The following CTBP2 variants were observed in gnomAD, a reference collection of about 807,000 sequenced individuals.
CTBP2 encodes C-terminal binding protein 2.
Under a neutral mutation model 80.3 loss-of-function variants are expected in CTBP2, and 30 were observed. The observed-to-expected ratio is 0.37, with a 90% CI of 0.28 to 0.51. The LOEUF (loss-of-function observed/expected upper bound fraction) is 0.51, where lower values mean the gene tolerates loss of function less well. Ranked by LOEUF, CTBP2 falls within the 20% of genes least tolerant of loss-of-function variation. The pLI is 0.93. For synonymous variants in CTBP2, 594 were observed against 587.4 expected (o/e 1.01, Z -0.16); for missense variants, 1,212 against 1,375.3 (o/e 0.88, Z 1.88).
intron 3 of CTBP2, among the ~76,000 whole-genome samples, chr10:125,036,102 AG>A (rs1270365614): frequency 6.6e-6 from 1 of 152,232 alleles, no homozygotes; most frequent in Non-Finnish European, 1.5e-5. Context: ...CTGCTCTCCG[AG>A]TAGAGACACA....
chr10:125,148,210 C>G (rs895492829), intron 1 of CTBP2, among the ~76,000 whole-genome samples: 4 of 152,296 alleles, frequency 2.6e-5, no homozygotes, highest in African/African-American at 9.6e-5. Context: ...TGGGACCTCT[C>G]TGGTCACCAG....
At chr10:125,119,371 C>T (rs1471327577) in intron 1 of CTBP2, among the ~76,000 whole-genome samples, 2 of 152,180 alleles carry the variant, frequency 1.3e-5, no homozygotes, top group Non-Finnish European at 2.9e-5. Flanking sequence ...TTCCATGCCC[C>T]ACTCCACTCT....
chr10:125,050,614 AGGGT>A (rs984058212), intron 2 of CTBP2, among the ~76,000 whole-genome samples: 5 of 152,126 alleles, frequency 3.3e-5, no homozygotes, highest in African/African-American at 1.2e-4. Context: ...GGGAAAAGGA[AGGGT>A]GGGGGTGCGG....
chr10:124,984,682 T>C lies in CTBP2; in HGVS notation c.*4836A>G. On this transcript the variant is annotated 3_prime_UTR_variant, in exon 9 of 9. Coordinates refer to ENST00000309035, the MANE Select transcript of CTBP2 (RefSeq NM_022802.3). ...TGATTGCTTTGGCCTTTTCATGAGT[T>C]AGCATACCAGCTGTAGGTTTCCATG... 1.5e-6 allele frequency: 2 copies of C among 1,321,220 alleles called. No homozygotes were observed. The highest frequency in any genetic ancestry group is 2.1e-6 in the Non-Finnish European group (2 of 956,376). 81.8% of individuals were successfully genotyped at this position (1,321,220 alleles called of 1,614,324 possible).
intron 2 of CTBP2, among the ~76,000 whole-genome samples, chr10:125,051,943 A>G (rs1209539090): frequency 1.3e-5 from 2 of 152,224 alleles, no homozygotes; most frequent in Non-Finnish European, 2.9e-5. Context: ...AAAGCTACGG[A>G]GACAGGGCTT....
chr10:125,015,200 C>T (rs946450833), intron 1 of CTBP2, among the ~76,000 whole-genome samples: 1 of 152,204 alleles, frequency 6.6e-6, no homozygotes, highest in Non-Finnish European at 1.5e-5. Context: ...AGCGGATTCA[C>T]GCTGCTGGAC....
chr10:125,143,187 A>G (rs538135696), intron 1 of CTBP2, among the ~76,000 whole-genome samples: 1 of 152,182 alleles, frequency 6.6e-6, no homozygotes. Flanking sequence ...TGTTCAGAAG[A>G]AGCAAATTCG....
chr10:125,014,693 C>CA (rs1478409710), intron 1 of CTBP2, among the ~76,000 whole-genome samples: 2 of 152,202 alleles, frequency 1.3e-5, no homozygotes, highest in Non-Finnish European at 2.9e-5. Flanking sequence ...ACCAGCCCTC[C>CA]AGAAAGCACT....
At chr10:125,026,035 T>G (rs766516937) in intron 1 of CTBP2, 3 of 1,528,996 alleles carry the variant, frequency 2.0e-6, no homozygotes, top group Non-Finnish European at 2.6e-6. Context: ...CGCACCCCCC[T>G]GCTCCCCCCA....
chr10:125,115,034 A>C (rs1163925534), intron 1 of CTBP2, among the ~76,000 whole-genome samples: 6 of 151,710 alleles, frequency 4.0e-5, no homozygotes, highest in African/African-American at 7.3e-5. Context: ...TCCTCCTCCT[A>C]CTACTGTCCC....
rs750432044 is a variant in CTBP2, at chr10:125,027,200, C to A, written c.560G>T (p.Gly187Val). 11 of 1,609,724 alleles carry A rather than the reference C, an allele frequency of 6.8e-6. No homozygotes were observed. The South Asian group carries it at 1.1e-4, about 16-fold the overall frequency. The change falls in exon 1 of 9, where the codon GGG becomes GTG. Residue 187 changes from glycine to valine, a missense_variant. Coordinates refer to ENST00000309035, the MANE Select transcript of CTBP2 (RefSeq NM_022802.3). ...GTCGGGCTGCTCCCGTCCATACCGC[C>A]CGGGAGATGCAGCCCTGCTCTGTGT...
At chr10:125,143,072 T>C (rs1390815048) in intron 1 of CTBP2, among the ~76,000 whole-genome samples, 1 of 152,166 alleles carries the variant, frequency 6.6e-6, no homozygotes, top group African/African-American at 2.4e-5. Context: ...CACCACTGTT[T>C]TGCTGAACTC....
intron 6 of CTBP2, 119 bp from the exon 9 acceptor site, chr10:124,993,448 AG>A: frequency 1.8e-6 from 2 of 1,124,608 alleles, no homozygotes; most frequent in Non-Finnish European, 2.5e-6. Flanking sequence ...GCATGGATAC[AG>A]GAACATCTGT....
chr10:125,096,611 TG>T (rs1316131665), intron 2 of CTBP2, among the ~76,000 whole-genome samples: 13 of 152,310 alleles, frequency 8.5e-5, no homozygotes, highest in African/African-American at 3.1e-4. Context: ...TGAAACTCTC[TG>T]CTGAGTCAGG....
At chr10:125,144,497 G>A (rs11245518) in intron 1 of CTBP2, among the ~76,000 whole-genome samples, 24,767 of 152,198 alleles carry the variant, frequency 0.16, 2,343 homozygotes, top group South Asian at 0.22. Flanking sequence ...TACCAGCCTC[G>A]CTGAAGCCTA....
chr10:125,015,083 G>A (rs1371704415), intron 1 of CTBP2, among the ~76,000 whole-genome samples: 4 of 152,184 alleles, frequency 2.6e-5, no homozygotes, highest in Non-Finnish European at 5.9e-5. Context: ...CACGTTCCTC[G>A]ACATTAGGTC....
At chr10:125,087,823 G>A (rs1316622603) in intron 2 of CTBP2, among the ~76,000 whole-genome samples, 1 of 152,216 alleles carries the variant, frequency 6.6e-6, no homozygotes, top group African/African-American at 2.4e-5. Flanking sequence ...GACAGCTTAT[G>A]TGGCTTTACA....
intron 2 of CTBP2, among the ~76,000 whole-genome samples, chr10:125,108,440 A>G (rs1455850384): frequency 1.3e-5 from 2 of 152,192 alleles, no homozygotes; most frequent in African/African-American, 2.4e-5. Flanking sequence ...CTGTGCCCAC[A>G]TTTTAAAAGA....
At position 125,094,475 on chromosome 10, in the gene CTBP2, G is replaced by A. The variant is rs1352414654; in HGVS notation, c.-102+16515C>T. On this transcript the variant is annotated intron_variant, in intron 2 of 10. Coordinates refer to the CTBP2 transcript ENST00000337195. ...ATGATGTGGGGGTTACGCACCTCAG[G>A]GAGGACGCTCCACCTCTGACAACGG... Among the ~76,000 whole-genome samples the A allele has an allele frequency of 2.0e-5, 3 of 152,240 alleles. No homozygotes were observed. The East Asian group carries it at 5.8e-4, about 29-fold the overall frequency.
Sources: allele counts gnomAD v4.1 joint callset (sites outside exome capture counted in the v4.1 genomes callset), GRCh38; gene constraint gnomAD v4.1.1; transcripts MANE v1.5; gene names NCBI Gene and HGNC (gene_info 2026-07-23, HGNC 2026-07-21).